CDYL: variants seen among roughly 807,000 people sequenced by gnomAD.
CDYL encodes the protein chromodomain Y like.
A neutral mutation model predicts 47.3 loss-of-function variants in CDYL; 8 were observed. The observed-to-expected ratio is 0.17, with a 90% confidence interval of 0.10 to 0.31. The LOEUF (loss-of-function observed/expected upper bound fraction) is 0.31, where lower values mean the gene tolerates loss of function less well. CDYL is among the 10% of genes least tolerant of loss of function. The pLI is 1.00. For missense variants in CDYL, 471 were observed against 701.4 expected (o/e 0.67, Z 3.71); for synonymous variants, 266 against 265.0 (o/e 1.00, Z -0.04).
intron 2 of CDYL, among the ~76,000 whole-genome samples, chr6:4,918,039 G>A (rs372737321): frequency 2.6e-5 from 4 of 152,094 alleles, no homozygotes; most frequent in African/African-American, 9.7e-5. Flanking sequence ...GAAATTAACG[G>A]CCACACACTG....
At chr6:4,824,826 T>C (rs116837781) in intron 1 of CDYL, among the ~76,000 whole-genome samples, 3,415 of 152,212 alleles carry the variant, frequency 0.022, 133 homozygotes, top group African/African-American at 0.078. Flanking sequence ...TGCAAGTCCA[T>C]ATGAATTTGA....
At chr6:4,806,623 A>G (rs1240382685) in intron 1 of CDYL, among the ~76,000 whole-genome samples, 4 of 151,808 alleles carry the variant, frequency 2.6e-5, no homozygotes, top group African/African-American at 9.7e-5. Flanking sequence ...TTTCCCATGA[A>G]TGCCTTTCTT....
At chr6:4,947,002 G>A (rs1188658760) in intron 5 of CDYL, among the ~76,000 whole-genome samples, 1 of 152,158 alleles carries the variant, frequency 6.6e-6, no homozygotes, top group Non-Finnish European at 1.5e-5. Context: ...AATCAGTATC[G>A]CAGGAGAGCC....
At chr6:4,731,565 G>C (rs1461409009) in intron 2 of CDYL, among the ~76,000 whole-genome samples, 1 of 152,102 alleles carries the variant, frequency 6.6e-6, no homozygotes, top group East Asian at 1.9e-4. Context: ...GGGAGGCTGA[G>C]GTAGGCAGAT....
chr6:4,814,987 T>A (rs1036401872), intron 1 of CDYL, among the ~76,000 whole-genome samples: 3 of 152,170 alleles, frequency 2.0e-5, no homozygotes, highest in Non-Finnish European at 4.4e-5. Flanking sequence ...TGGTAACAGA[T>A]CTCTTATTCA....
chr6:4,928,253 T>C (rs1368224198), intron 2 of CDYL, among the ~76,000 whole-genome samples: 2 of 152,202 alleles, frequency 1.3e-5, no homozygotes, highest in African/African-American at 4.8e-5. Flanking sequence ...CCACACCTTT[T>C]GTGTGTGTAT....
chr6:4,872,366 G>A (rs572385743), intron 1 of CDYL, among the ~76,000 whole-genome samples: 2 of 145,650 alleles, frequency 1.4e-5, no homozygotes, highest in South Asian at 2.2e-4. Context: ...GTTTAAAAGC[G>A]AACACGTTGG....
At chr6:4,768,431 G>A (rs1359987073) in intron 3 of CDYL, among the ~76,000 whole-genome samples, 1 of 152,074 alleles carries the variant, frequency 6.6e-6, no homozygotes, top group Non-Finnish European at 1.5e-5. Context: ...AATATACACC[G>A]CCTCATGATG....
chr6:4,778,840 G>A (rs928079630), intron 1 of CDYL, among the ~76,000 whole-genome samples: 3 of 152,186 alleles, frequency 2.0e-5, no homozygotes. Flanking sequence ...TGAAAGTTTT[G>A]CATGGCAGTT....
upstream of CDYL, chr6:4,772,842 G>A (rs954005908): frequency 4.0e-5 from 12 of 300,000 alleles, no homozygotes; most frequent in African/African-American, 1.7e-4. Context: ...ACCATAAAAC[G>A]CCTTTGGCTC....
intron 1 of CDYL, among the ~76,000 whole-genome samples, chr6:4,809,308 A>G (rs1443386666): frequency 1.3e-5 from 2 of 152,222 alleles, no homozygotes. Context: ...CTTCGTGTGG[A>G]TGTACCATAG....
chr6:4,916,600 A>G (rs1757562233), intron 2 of CDYL, among the ~76,000 whole-genome samples: 1 of 45,458 alleles, frequency 2.2e-5, no homozygotes, highest in Non-Finnish European at 5.1e-5. Context: ...GGGTGACCAG[A>G]TGTATCGGGG....
intron 1 of CDYL, among the ~76,000 whole-genome samples, chr6:4,789,422 A>G (rs966382736): frequency 6.6e-6 from 1 of 152,036 alleles, no homozygotes; most frequent in African/African-American, 2.4e-5. Flanking sequence ...GTCTCTGGGC[A>G]CGGTGGGCCC....
chr6:4,882,355 C>T (rs1046142365), intron 1 of CDYL, among the ~76,000 whole-genome samples: 1 of 152,176 alleles, frequency 6.6e-6, no homozygotes, highest in African/African-American at 2.4e-5. Context: ...AATGGTCCTT[C>T]ACTTTGCTGC....
intron 3 of CDYL, among the ~76,000 whole-genome samples, chr6:4,755,673 C>A (rs1181323677): frequency 6.6e-6 from 1 of 152,156 alleles, no homozygotes; most frequent in South Asian, 2.1e-4. Context: ...CAATTATATA[C>A]TACATACTAC....
chr6:4,878,779 AATT>A (rs1345043046), intron 1 of CDYL, among the ~76,000 whole-genome samples: 21 of 146,012 alleles, frequency 1.4e-4, no homozygotes, highest in Non-Finnish European at 2.5e-4. Flanking sequence ...TTCTGTTCCT[AATT>A]ATTTCCTTAT....
At chr6:4,896,242 G>C (rs888239494) in intron 2 of CDYL, among the ~76,000 whole-genome samples, 2 of 152,210 alleles carry the variant, frequency 1.3e-5, no homozygotes, top group African/African-American at 4.8e-5. Flanking sequence ...TGCAAAGCTG[G>C]TGGAGCCCCT....
At chr6:4,947,010 G>A (rs1260868961) in intron 5 of CDYL, among the ~76,000 whole-genome samples, 1 of 152,186 alleles carries the variant, frequency 6.6e-6, no homozygotes, top group Non-Finnish European at 1.5e-5. Flanking sequence ...TCGCAGGAGA[G>A]CCCCCACGTC....
chr6:4,900,789 A>ATGTG (rs1360137664), intron 2 of CDYL, among the ~76,000 whole-genome samples: 7 of 46,272 alleles, frequency 1.5e-4, no homozygotes, highest in East Asian at 8.4e-4. Context: ...GTATATATAT[A>ATGTG]TATATATATA....
Sources: gnomAD v4.1 joint callset for allele counts (sites outside exome capture counted in the v4.1 genomes callset) on GRCh38, gnomAD v4.1.1 for gene constraint, MANE v1.5 for transcripts, NCBI Gene and HGNC (gene_info 2026-07-23, HGNC 2026-07-21) for gene names.